Variants in TACR3 observed in about 807,000 individuals in gnomAD.
The protein encoded by TACR3 is tachykinin receptor 3.
TACR3 carries 34 observed loss-of-function variants against 35.0 expected under a neutral mutation model. The ratio of observed to expected loss-of-function variants is 0.97; its 90% CI spans 0.74 to 1.30. The LOEUF (loss-of-function observed/expected upper bound fraction) is 1.30, where lower values mean the gene tolerates loss of function less well. Ranked by LOEUF, TACR3 falls within the 50% of genes most tolerant of loss-of-function variation. The pLI is 0.00. For missense variants in TACR3, 558 were observed against 591.7 expected (o/e 0.94, Z 0.59); for synonymous variants, 233 against 221.1 (o/e 1.05, Z -0.48).
chr4:103,706,662 T>C (rs1442170838), intron 1 of TACR3, among the ~76,000 whole-genome samples: 2 of 151,934 alleles, frequency 1.3e-5, no homozygotes, highest in Non-Finnish European at 2.9e-5. Flanking sequence ...CGGTCATAGG[T>C]TGGTGATATT....
chr4:103,689,296 T>G (rs1722343759), intron 1 of TACR3, among the ~76,000 whole-genome samples: 1 of 151,082 alleles, frequency 6.6e-6, no homozygotes. Flanking sequence ...ATATACCTAA[T>G]GCTAGATGAC....
intron 3 of TACR3, among the ~76,000 whole-genome samples, chr4:103,630,785 T>A (rs575504715): frequency 6.6e-6 from 1 of 152,082 alleles, no homozygotes; most frequent in Non-Finnish European, 1.5e-5. Context: ...ATTCCTCAAG[T>A]ATCTAGAACT....
At chr4:103,597,072 G>A (rs1029266459) in intron 3 of TACR3, among the ~76,000 whole-genome samples, 2 of 152,044 alleles carry the variant, frequency 1.3e-5, no homozygotes, top group South Asian at 2.1e-4. Context: ...ATGTGTGCAT[G>A]CGTCTTTATA....
At chr4:103,657,982 G>T (rs910309655) in intron 2 of TACR3, among the ~76,000 whole-genome samples, 9 of 149,578 alleles carry the variant, frequency 6.0e-5, no homozygotes, top group Non-Finnish European at 1.4e-4. Flanking sequence ...AAACTCTCCA[G>T]TGCCATCCCA....
At chr4:103,712,809 G>A (rs1723001337) in intron 1 of TACR3, among the ~76,000 whole-genome samples, 1 of 152,222 alleles carries the variant, frequency 6.6e-6, no homozygotes, top group Middle Eastern at 3.4e-3. Context: ...CAAAAAGTTG[G>A]CAAAGTATAT....
chr4:103,630,311 T>C (rs1725029391), intron 3 of TACR3, among the ~76,000 whole-genome samples: 2 of 152,090 alleles, frequency 1.3e-5, no homozygotes, highest in Admixed American at 1.3e-4. Flanking sequence ...CCAAAAGCAA[T>C]GGCAACAAAA....
intron 3 of TACR3, among the ~76,000 whole-genome samples, chr4:103,598,739 G>A (rs1388351165): frequency 1.3e-5 from 2 of 152,114 alleles, no homozygotes; most frequent in Non-Finnish European, 2.9e-5. Context: ...GTTTTTGTCA[G>A]GTTTGTCAAA....
intron 3 of TACR3, among the ~76,000 whole-genome samples, chr4:103,608,278 C>A (rs965515844): frequency 6.6e-5 from 10 of 151,924 alleles, no homozygotes; most frequent in African/African-American, 2.4e-4. Context: ...CAGCTGGAGG[C>A]CATAATCCTC....
At chr4:103,710,499 G>T (rs1182579370) in intron 1 of TACR3, among the ~76,000 whole-genome samples, 3 of 152,104 alleles carry the variant, frequency 2.0e-5, no homozygotes, top group African/African-American at 7.2e-5. Context: ...GCTGTGTGTA[G>T]AGGGAAATTT....
At chr4:103,658,862 T>C (rs980438815) in intron 1 of TACR3, among the ~76,000 whole-genome samples, 14 of 152,156 alleles carry the variant, frequency 9.2e-5, no homozygotes, top group South Asian at 2.1e-4. Context: ...TGTGATTCCA[T>C]TGTAATATAT....
chr4:103,610,609 C>A (rs1470777653), intron 3 of TACR3, among the ~76,000 whole-genome samples: 4 of 152,048 alleles, frequency 2.6e-5, no homozygotes, highest in Non-Finnish European at 5.9e-5. Flanking sequence ...ATTTCCTTTG[C>A]TGTACAAAAG....
At chr4:103,642,023 G>T (rs1194944944) in intron 3 of TACR3, among the ~76,000 whole-genome samples, 1 of 151,796 alleles carries the variant, frequency 6.6e-6, no homozygotes, top group African/African-American at 2.4e-5. Flanking sequence ...AGTTAGACAG[G>T]TGATACTATA....
intron 4 of TACR3, 141 bp downstream of exon 4, chr4:103,591,346 G>T (rs753054470): frequency 2.1e-5 from 19 of 914,674 alleles, no homozygotes; most frequent in Non-Finnish European, 3.2e-5. Context: ...GAAAGATAAA[G>T]CCTGTGCCTC....
intron 1 of TACR3, among the ~76,000 whole-genome samples, chr4:103,683,284 T>C (rs1355114776): frequency 2.0e-5 from 3 of 151,424 alleles, no homozygotes; most frequent in African/African-American, 7.3e-5. Flanking sequence ...AATCTAAGTT[T>C]CCATCTGTGA....
chr4:103,637,703 C>T (rs941835344), intron 3 of TACR3, among the ~76,000 whole-genome samples: 9 of 152,114 alleles, frequency 5.9e-5, no homozygotes, highest in Non-Finnish European at 8.8e-5. Flanking sequence ...ATTGTCTCAG[C>T]CCAAAATCTC....
chr4:103,709,602 C>T (rs1047496953), intron 1 of TACR3, among the ~76,000 whole-genome samples: 14 of 152,202 alleles, frequency 9.2e-5, no homozygotes, highest in African/African-American at 2.6e-4. Flanking sequence ...CATCAACTAA[C>T]GAGCAAAATA....
chr4:103,640,329 C>G (rs1463960488), intron 3 of TACR3, among the ~76,000 whole-genome samples: 1 of 151,942 alleles, frequency 6.6e-6, no homozygotes, highest in East Asian at 1.9e-4. Flanking sequence ...CAAAGGAAAT[C>G]TTACTTGTGG....
chr4:103,703,003 TAACA>T (rs1560538036), intron 1 of TACR3, among the ~76,000 whole-genome samples: 1 of 151,986 alleles, frequency 6.6e-6, no homozygotes, highest in Non-Finnish European at 1.5e-5. Flanking sequence ...TATACATATG[TAACA>T]AACCTGCGCG....
intron 1 of TACR3, among the ~76,000 whole-genome samples, chr4:103,715,054 G>T (rs894277753): frequency 6.6e-6 from 1 of 152,060 alleles, no homozygotes; most frequent in Non-Finnish European, 1.5e-5. Flanking sequence ...TTTGTTGAAC[G>T]CTCCTTTTAA....
Sources: allele counts gnomAD v4.1 joint callset (sites outside exome capture counted in the v4.1 genomes callset), GRCh38; gene constraint gnomAD v4.1.1; transcripts MANE v1.5; gene names NCBI Gene and HGNC (gene_info 2026-07-23, HGNC 2026-07-21).